The following BMERB1 variants were observed in gnomAD, a reference collection of about 807,000 sequenced individuals.
BMERB1 encodes the protein bMERB domain-containing protein 1.
A neutral mutation model predicts 23.6 loss-of-function variants in BMERB1; 12 were observed. The ratio of observed to expected loss-of-function variants is 0.51; its 90% CI spans 0.33 to 0.82. The LOEUF is 0.82. BMERB1 is among the 40% of genes least tolerant of loss of function. The probability of loss-of-function intolerance (pLI) is 0.03; values close to 1 mark genes in which losing one functional copy is unlikely to be tolerated. For missense variants in BMERB1, 247 were observed against 255.4 expected (o/e 0.97, Z 0.22); for synonymous variants, 122 against 96.6 (o/e 1.26, Z -1.54).
chr16:15,475,051 GTA>G (rs1307671435), intron 1 of BMERB1, among the ~76,000 whole-genome samples: 1 of 152,114 alleles, frequency 6.6e-6, no homozygotes, highest in African/African-American at 2.4e-5. Flanking sequence ...TGGTTGGGAT[GTA>G]TATTCACTTT....
chr16:15,467,134 C>G (rs762038147), intron 1 of BMERB1, among the ~76,000 whole-genome samples: 1 of 152,128 alleles, frequency 6.6e-6, no homozygotes, highest in East Asian at 1.9e-4. Flanking sequence ...GGCTATTATG[C>G]TTAATGCTGC....
intron 2 of BMERB1, among the ~76,000 whole-genome samples, chr16:15,551,178 G>A (rs1223613677): frequency 2.0e-5 from 3 of 152,168 alleles, no homozygotes; most frequent in South Asian, 2.1e-4. Flanking sequence ...GATTGCCCTC[G>A]TGGTGTCTAT....
intron 1 of BMERB1, among the ~76,000 whole-genome samples, chr16:15,467,486 T>A (rs1194169516): frequency 6.6e-6 from 1 of 152,220 alleles, no homozygotes; most frequent in Non-Finnish European, 1.5e-5. Context: ...TCCATCTGTA[T>A]AATCTCTTCA....
intron 1 of BMERB1, among the ~76,000 whole-genome samples, chr16:15,472,154 G>A (rs1485483927): frequency 6.6e-6 from 1 of 152,150 alleles, no homozygotes; most frequent in Non-Finnish European, 1.5e-5. Flanking sequence ...TGAATTTGTT[G>A]GGGATTGTTT....
intron 4 of BMERB1, among the ~76,000 whole-genome samples, chr16:15,582,805 C>T (rs952220080): frequency 2.0e-5 from 3 of 152,170 alleles, no homozygotes; most frequent in African/African-American, 7.2e-5. Context: ...TGAGACCTGC[C>T]TCATACTTTG....
chr16:15,495,085 C>T (rs1439929094), intron 1 of BMERB1, among the ~76,000 whole-genome samples: 30 of 151,580 alleles, frequency 2.0e-4, no homozygotes, highest in Admixed American at 9.9e-4. Flanking sequence ...GGTTTCACCA[C>T]GTTGGCCAAG....
In BMERB1 at chr16:15,434,599, C is replaced by A; in HGVS notation, c.-55C>A. 6.5e-7 allele frequency: 1 copy of A among 1,537,368 alleles called. No homozygotes were observed. The highest frequency in any genetic ancestry group is 9.0e-7 in the Non-Finnish European group (1 of 1,110,870). On this transcript the variant is annotated 5_prime_UTR_variant, in exon 1 of 6. Transcript: ENST00000300006. ...CTGGAGCCACCTCCCTCCCTGCAGC[C>A]CGCAACGGGAATGGAGTAAAGGGAG...
chr16:15,548,142 G>A (rs979975181), intron 2 of BMERB1, among the ~76,000 whole-genome samples: 11 of 151,974 alleles, frequency 7.2e-5, no homozygotes, highest in Admixed American at 1.3e-4. Context: ...GCACCACCAT[G>A]CCTGGCTAAT....
chr16:15,496,190 GGTGATA>G (rs2051471660), intron 1 of BMERB1, among the ~76,000 whole-genome samples: 1 of 147,924 alleles, frequency 6.8e-6, no homozygotes, highest in African/African-American at 2.7e-5. Context: ...CAGTGATGGT[GGTGATA>G]GTGATAGTGG....
At chr16:15,582,671 T>C (rs2031043236) in intron 4 of BMERB1, among the ~76,000 whole-genome samples, 1 of 152,050 alleles carries the variant, frequency 6.6e-6, no homozygotes, top group African/African-American at 2.4e-5. Context: ...TGAGTTACGA[T>C]TGCACCATTG....
intron 1 of BMERB1, among the ~76,000 whole-genome samples, chr16:15,440,244 C>CAA (rs57412464): frequency 3.1e-5 from 2 of 64,696 alleles, no homozygotes; most frequent in South Asian, 6.4e-4. Flanking sequence ...GACTTAATCT[C>CAA]AAAAAAAAAA....
intron 1 of BMERB1, among the ~76,000 whole-genome samples, chr16:15,508,225 TGTTA>T (rs2051616171): frequency 6.6e-6 from 1 of 152,126 alleles, no homozygotes; most frequent in Non-Finnish European, 1.5e-5. Flanking sequence ...GCTCGATAAA[TGTTA>T]GTTATTATCG....
intron 2 of BMERB1, among the ~76,000 whole-genome samples, chr16:15,561,966 C>T (rs1462642857): frequency 6.6e-6 from 1 of 151,814 alleles, no homozygotes; most frequent in Non-Finnish European, 1.5e-5. Context: ...GTGCTTAATG[C>T]TTGATGTGCA....
At chr16:15,463,748 G>A (rs2051157018) in intron 1 of BMERB1, among the ~76,000 whole-genome samples, 2 of 151,850 alleles carry the variant, frequency 1.3e-5, no homozygotes, top group South Asian at 4.1e-4. Context: ...CCCCACCCCA[G>A]CTCCTGCTGC....
At chr16:15,458,281 C>A (rs1211653638) in intron 1 of BMERB1, among the ~76,000 whole-genome samples, 2 of 152,184 alleles carry the variant, frequency 1.3e-5, no homozygotes, top group African/African-American at 4.8e-5. Flanking sequence ...TGGGTCACTT[C>A]ATTCTTTTGA....
chr16:15,448,199 A>AT (rs2051007862), intron 1 of BMERB1, among the ~76,000 whole-genome samples: 1 of 152,238 alleles, frequency 6.6e-6, no homozygotes, highest in Admixed American at 6.5e-5. Context: ...CGGAAGTAGC[A>AT]TTTTAGGAAG....
chr16:15,437,905 C>T (rs1275620992), intron 1 of BMERB1, among the ~76,000 whole-genome samples: 2 of 149,974 alleles, frequency 1.3e-5, no homozygotes, highest in Non-Finnish European at 3.0e-5. Context: ...TTGCAGTGAG[C>T]CGAGATTGCA....
chr16:15,533,145 C>T (rs1343518282), intron 2 of BMERB1: 8 of 339,902 alleles, frequency 2.4e-5, no homozygotes, highest in South Asian at 1.6e-4. Flanking sequence ...CGTAAGTGCT[C>T]ATTAAATGTT....
chr16:15,467,391 G>C (rs2051189440), intron 1 of BMERB1, among the ~76,000 whole-genome samples: 1 of 152,106 alleles, frequency 6.6e-6, no homozygotes, highest in African/African-American at 2.4e-5. Flanking sequence ...AGTCTGATAG[G>C]TGTGCAGTGA....
Sources: gnomAD v4.1 joint callset for allele counts (sites outside exome capture counted in the v4.1 genomes callset) on GRCh38, gnomAD v4.1.1 for gene constraint, MANE v1.5 for transcripts, NCBI Gene and HGNC (gene_info 2026-07-23, HGNC 2026-07-21) for gene names.